Variants in MOB2 observed in about 807,000 individuals in gnomAD.
MOB2 encodes MOB2 Mps One Binder homolog.
A neutral mutation model predicts 27.4 loss-of-function variants in MOB2; 14 were observed. That is an observed-to-expected ratio of 0.51 (90% CI 0.34 to 0.80). The LOEUF (loss-of-function observed/expected upper bound fraction) is 0.80. Among genes scored for constraint, MOB2 ranks in the 30% least tolerant of loss-of-function variants. The pLI is 0.01. For synonymous variants in MOB2, 167 were observed against 151.8 expected (o/e 1.10, Z -0.74); for missense variants, 304 against 354.6 (o/e 0.86, Z 1.15).
At chr11:1,482,618 G>T (rs1847926994) in intron 1 of MOB2, among the ~76,000 whole-genome samples, 1 of 152,206 alleles carries the variant, frequency 6.6e-6, no homozygotes, top group African/African-American at 2.4e-5. Context: ...GCCTCCCCGA[G>T]CTGCTCCCCC....
At chr11:1,471,474 A>G (rs1401563500) in intron 3 of MOB2, 55 bp from the exon 4 acceptor site, 3 of 1,567,964 alleles carry the variant, frequency 1.9e-6, no homozygotes, top group African/African-American at 2.7e-5. Flanking sequence ...CCACCCAGCC[A>G]CTGGGTCCCA....
chr11:1,486,249 C>T (rs893972377), intron 1 of MOB2, among the ~76,000 whole-genome samples, 198 bp downstream of exon 1: 4 of 152,208 alleles, frequency 2.6e-5, no homozygotes, highest in Non-Finnish European at 4.4e-5. Context: ...CAGGCTGGCC[C>T]GGGACTGCAC....
At chr11:1,482,319 C>A (rs1426110379) in intron 1 of MOB2, among the ~76,000 whole-genome samples, 1 of 152,256 alleles carries the variant, frequency 6.6e-6, no homozygotes, top group African/African-American at 2.4e-5. Flanking sequence ...AGCGCGCTCA[C>A]TCTCAGGGTG....
rs1219822705 is a variant in MOB2, at chr11:1,486,732, G to A, written c.-176C>T. 7 of 592,720 alleles carry A rather than the reference G, an allele frequency of 1.2e-5. No individual in the cohort carries two copies. Among genetic ancestry groups the A allele is most frequent in the South Asian group, 2.0e-5 (1 of 50,178 alleles). 36.7% of individuals were successfully genotyped at this position (592,720 alleles called of 1,614,324 possible). Reference sequence around the variant, plus strand: ...GGGCTGGCCAAGGCTGGTGAAACGAGGGAGCGTCTGAATTGGCCTTTTCCA... The same window carrying A: ...GGGCTGGCCAAGGCTGGTGAAACGAAGGAGCGTCTGAATTGGCCTTTTCCA... On this transcript the variant is annotated 5_prime_UTR_variant, in exon 1 of 5. Transcript: ENST00000329957.
At chr11:1,481,735 G>C (rs1275515350) in intron 1 of MOB2, 1 of 93,222 alleles carries the variant, frequency 1.1e-5, no homozygotes, top group African/African-American at 3.6e-5. Context: ...GGCAGGGGCA[G>C]GGGCAGGGAG....
chr11:1,471,897 C>T (rs1380094123), intron 3 of MOB2: 1 of 153,282 alleles, frequency 6.5e-6, no homozygotes, highest in Non-Finnish European at 1.5e-5. Flanking sequence ...AGCCAAGCCC[C>T]TCTCCGGGGA....
At chr11:1,479,351 C>T (rs1440608876) in intron 3 of MOB2, among the ~76,000 whole-genome samples, 1 of 152,260 alleles carries the variant, frequency 6.6e-6, no homozygotes, top group Non-Finnish European at 1.5e-5. Flanking sequence ...ACCGCCGTCT[C>T]ACATTGAGCT....
At chr11:1,486,381 G>T in intron 1 of MOB2, 66 bp downstream of exon 1, 1 of 1,287,812 alleles carries the variant, frequency 7.8e-7, no homozygotes, top group African/African-American at 1.5e-5. Context: ...CCTCCTTCCT[G>T]GGGGCAAGAA....
At position 1,470,150 on chromosome 11, in the gene MOB2, G is replaced by A. The variant is rs1487618834; in HGVS notation, c.*22C>T. 7 of 1,570,880 alleles carry A rather than the reference G, an allele frequency of 4.5e-6. No individual in the cohort carries two copies. Among genetic ancestry groups the A allele is most frequent in the Non-Finnish European group, 6.0e-6 (7 of 1,158,858 alleles). ...CACCACCGTCTCTTTGCACACGTGT[G>A]CCCCTGTCCGGCCCGGGGGGCTCAT... is the stretch of plus-strand genomic sequence containing the variant. On this transcript the variant is annotated 3_prime_UTR_variant, in exon 5 of 5. Transcript: ENST00000329957.
intron 1 of MOB2, among the ~76,000 whole-genome samples, chr11:1,484,756 C>T (rs149592608): frequency 4.3e-4 from 65 of 152,254 alleles, no homozygotes; most frequent in Non-Finnish European, 8.1e-4. Flanking sequence ...GGGTGCTGAT[C>T]CCACTTCTGT....
At position 1,484,339 on chromosome 11, in the gene MOB2, G is replaced by A. The variant is rs140469112; in HGVS notation, c.110+2108C>T. Among the ~76,000 whole-genome samples the A allele has an allele frequency of 4.8e-3, 730 of 152,290 alleles. 33 individuals are homozygous for A. Among genetic ancestry groups the A allele is most frequent in the Admixed American group, 0.04 (614 of 15,302 alleles). ...ATACGGTGACCAGGCAGCGTGTGGG[G>A]TGCAGGAGAAAGGCCCGCAGGTGAC... On this transcript the variant is annotated intron_variant, in intron 1 of 4. Transcript: ENST00000329957.
chr11:1,469,893 G>A lies in MOB2; in HGVS notation c.*279C>T. The A allele has an allele frequency of 1.3e-6, 1 of 748,298 alleles. No individual in the cohort carries two copies. The highest frequency in any genetic ancestry group is 2.3e-6 in the Non-Finnish European group (1 of 434,918). The allele number at this position is 748,298 out of a possible 1,614,324, so 46.4% of individuals were successfully genotyped here. Reference sequence around the variant, plus strand: ...AGACCAGAGAAAGGAAAACCCCACAGAAGAAAACTCAAAGCATCAGTCCCA... The same window carrying A: ...AGACCAGAGAAAGGAAAACCCCACAAAAGAAAACTCAAAGCATCAGTCCCA... On this transcript the variant is annotated 3_prime_UTR_variant, in exon 5 of 5. Coordinates refer to ENST00000329957, the MANE Select transcript of MOB2 (RefSeq NM_001172223.3).
At chr11:1,472,062 A>C (rs1847799309) in intron 3 of MOB2, 1 of 152,214 alleles carries the variant, frequency 6.6e-6, no homozygotes, top group African/African-American at 2.4e-5. Context: ...AGGGACATGG[A>C]CACCCTGGGT....
intron 4 of MOB2, among the ~76,000 whole-genome samples, chr11:1,470,705 C>T (rs1847777114): frequency 6.6e-6 from 1 of 152,216 alleles, no homozygotes; most frequent in South Asian, 2.1e-4. Context: ...GACCTCCCTG[C>T]GTGCTCAGGC....
chr11:1,478,071 C>G (rs1280984652), intron 3 of MOB2, among the ~76,000 whole-genome samples: 1 of 152,244 alleles, frequency 6.6e-6, no homozygotes, highest in East Asian at 1.9e-4. Context: ...GGCTGTAACA[C>G]GCAACTCAAC....
intron 3 of MOB2, among the ~76,000 whole-genome samples, chr11:1,476,300 C>A (rs1364130574): frequency 6.6e-6 from 1 of 152,266 alleles, no homozygotes; most frequent in African/African-American, 2.4e-5. Flanking sequence ...CCTTATGGCA[C>A]TGCCTATCTT....
At chr11:1,486,354 C>G in intron 1 of MOB2, 93 bp downstream of exon 1, 1 of 978,988 alleles carries the variant, frequency 1.0e-6, no homozygotes, top group Non-Finnish European at 1.5e-6. Flanking sequence ...ACACAGTCCG[C>G]CGCCTCCCCA....
rs746951300 is a variant in MOB2, at chr11:1,471,314, G to T, written c.471C>A (p.Asp157Glu). 1.4e-5 allele frequency: 23 copies of T among 1,613,110 alleles called. No individual in the cohort carries two copies. Among genetic ancestry groups the T allele is most frequent in the Middle Eastern group, 1.6e-4 (1 of 6,082 alleles). ...SSVQKLVTDE[D>E]VFPTKYGREF... ...ACGAACCGTATTTTGTGGGGAACAC[G>T]TCCTCATCCGTCACCAGCTTCTGCA... The change falls in exon 4 of 5, where the codon GAC becomes GAA. Residue 157 changes from aspartate (D) to glutamate (E), a missense_variant. By Grantham distance (45) the Asp-to-Glu change is conservative. Transcript: ENST00000329957.
Position 1,480,794 on chromosome 11 carries a change from C to G in MOB2, c.202G>C (p.Asp68His). ...EPEHTKARIT[D>H]FQFKELVVLP... ...ACCACCAGCTCCTTGAACTGGAAGT[C>G]GGTGATCCTGGCCTTGGTGTGCTCA... is the stretch of plus-strand genomic sequence containing the variant. The change falls in exon 2 of 5, where the codon GAC (aspartate) becomes CAC (histidine). Residue 68 changes from aspartate (D) to histidine (H), a missense_variant. Physicochemically the swap from Asp to His is moderately conservative, Grantham distance 81. Transcript: ENST00000329957. 6.3e-7 allele frequency: 1 copy of G among 1,599,066 alleles called. No individual in the cohort carries two copies. The highest frequency in any genetic ancestry group is 8.5e-7 in the Non-Finnish European group (1 of 1,173,312).
Sources: allele counts gnomAD v4.1 joint callset (sites outside exome capture counted in the v4.1 genomes callset), GRCh38; gene constraint gnomAD v4.1.1; transcripts MANE v1.5; gene names NCBI Gene and HGNC (gene_info 2026-07-23, HGNC 2026-07-21).